The following GRM1 variants were observed in gnomAD, a reference collection of about 807,000 sequenced individuals.
The protein encoded by GRM1 is glutamate metabotropic receptor 1, also known as metabotropic glutamate receptor 1.
GRM1 carries 33 observed loss-of-function variants against 90.9 expected under a neutral mutation model. The observed-to-expected ratio is 0.36, with a 90% CI of 0.28 to 0.49. GRM1 has a LOEUF of 0.49. GRM1 is among the 20% of genes least tolerant of loss of function. GRM1 has a pLI of 0.99. For synonymous variants in GRM1, 700 were observed against 613.2 expected (o/e 1.14, Z -2.09); for missense variants, 1,190 against 1,534.3 (o/e 0.78, Z 3.75).
chr6:146,081,723 C>G (rs184968031), intron 1 of GRM1, among the ~76,000 whole-genome samples: 2 of 152,080 alleles, frequency 1.3e-5, no homozygotes, highest in Admixed American at 6.5e-5. Context: ...GTACATTAAG[C>G]AGTGTATAAT....
intron 3 of GRM1, among the ~76,000 whole-genome samples, chr6:146,333,805 A>G (rs1219731187): frequency 6.6e-6 from 1 of 152,150 alleles, no homozygotes; most frequent in Admixed American, 6.6e-5. Flanking sequence ...TGGACCTAGA[A>G]AGGTTTATGA....
intron 3 of GRM1, among the ~76,000 whole-genome samples, chr6:146,305,900 GA>G (rs1318452623): frequency 6.6e-6 from 1 of 152,184 alleles, no homozygotes; most frequent in African/African-American, 2.4e-5. Context: ...TCACATACAT[GA>G]AATAGACAAA....
intron 2 of GRM1, among the ~76,000 whole-genome samples, chr6:146,260,058 G>A (rs192381950): frequency 8.6e-5 from 13 of 151,026 alleles, no homozygotes; most frequent in Admixed American, 5.3e-4. Context: ...TGTGCAGAAC[G>A]TGCAGGTTTG....
chr6:146,172,224 A>G (rs1384031068), intron 2 of GRM1, among the ~76,000 whole-genome samples: 3 of 152,172 alleles, frequency 2.0e-5, no homozygotes, highest in Non-Finnish European at 4.4e-5. Flanking sequence ...TCCTTGGATC[A>G]CAGCCTTCTT....
At chr6:146,219,513 G>A (rs1372056509) in intron 2 of GRM1, among the ~76,000 whole-genome samples, 1 of 151,946 alleles carries the variant, frequency 6.6e-6, no homozygotes, top group African/African-American at 2.4e-5. Flanking sequence ...AGTAAGTCAT[G>A]GAATCAGTTA....
chr6:146,226,306 G>T (rs1224737029), intron 2 of GRM1, among the ~76,000 whole-genome samples: 10 of 152,048 alleles, frequency 6.6e-5, no homozygotes, highest in Non-Finnish European at 1.3e-4. Context: ...TAGGCATGTT[G>T]CAATTTCAGG....
chr6:146,129,673 G>A (rs1776319984), intron 1 of GRM1, among the ~76,000 whole-genome samples: 1 of 152,100 alleles, frequency 6.6e-6, no homozygotes, highest in Non-Finnish European at 1.5e-5. Context: ...TGATTTGATG[G>A]CAACTGCACA....
intron 2 of GRM1, among the ~76,000 whole-genome samples, chr6:146,236,476 T>C (rs543128556): frequency 2.6e-4 from 40 of 152,298 alleles, no homozygotes; most frequent in African/African-American, 9.6e-4. Flanking sequence ...TACTTGTTTC[T>C]CTGTGACTGG....
Position 146,107,949 on chromosome 6 carries a change from ATCTC to A in GRM1, c.701-51398_701-51395del, listed in dbSNP as rs1775383905. 2.6e-5 allele frequency among the ~76,000 whole-genome samples: 4 copies of A among 152,290 alleles called. No individual in the cohort carries two copies. In the South Asian group the frequency reaches 8.3e-4, roughly 32 times the overall value. On this transcript the variant is annotated intron_variant, in intron 1 of 7. Coordinates refer to ENST00000282753, the MANE Select transcript of GRM1 (RefSeq NM_001278064.2). ...TGGCATTAATTGTTTTCTACTATCT[ATCTC>A]CAATTCATTTTCTCTACTTTATGCT...
At chr6:146,348,706 T>C (rs1322167868) in intron 3 of GRM1, among the ~76,000 whole-genome samples, 1 of 152,244 alleles carries the variant, frequency 6.6e-6, no homozygotes, top group Non-Finnish European at 1.5e-5. Context: ...TGTTGGTAGA[T>C]TGGGTGCCAG....
intron 2 of GRM1, among the ~76,000 whole-genome samples, chr6:146,304,006 T>G (rs1282241671): frequency 6.6e-6 from 1 of 152,172 alleles, no homozygotes; most frequent in Admixed American, 6.5e-5. Context: ...CTTTTTATAA[T>G]TTGAGATGAG....
chr6:146,174,888 T>C (rs940470287), intron 2 of GRM1, among the ~76,000 whole-genome samples: 1 of 152,334 alleles, frequency 6.6e-6, no homozygotes, highest in Non-Finnish European at 1.5e-5. Flanking sequence ...TGGCTCAGAT[T>C]CTTGCTGGCT....
At chr6:146,045,283 G>C (rs1791283888) in intron 1 of GRM1, among the ~76,000 whole-genome samples, 2 of 152,040 alleles carry the variant, frequency 1.3e-5, no homozygotes, top group South Asian at 4.2e-4. Flanking sequence ...TAGCTAACCT[G>C]AATAATTACT....
At position 146,434,195 on chromosome 6, in the gene GRM1, T is replaced by C. The variant is rs757521520; in HGVS notation, c.2984T>C (p.Leu995Pro). 2.5e-6 allele frequency: 4 copies of C among 1,612,354 alleles called. No homozygotes were observed. Among genetic ancestry groups the C allele is most frequent in the Non-Finnish European group, 3.4e-6 (4 of 1,178,638 alleles). Residue 995 changes from leucine (L) to proline (P), a missense_variant, in exon 8 of 8, where the codon CTG (leucine) becomes CCG (proline). Leu to Pro is a moderately conservative substitution (Grantham distance 98). Transcript: ENST00000282753. ...AATTPPLPSHLTAEETPLFLA... is the reference protein window; with the variant it reads ...AATTPPLPSHPTAEETPLFLA... ...ACCACTCCGCCTCTGCCGTCCCACC[T>C]GACCGCAGAGGAGACCCCCCTCTTC... is the stretch of plus-strand genomic sequence containing the variant.
At chr6:146,262,760 A>G (rs1422190110) in intron 2 of GRM1, among the ~76,000 whole-genome samples, 1 of 151,928 alleles carries the variant, frequency 6.6e-6, no homozygotes, top group Non-Finnish European at 1.5e-5. Flanking sequence ...AAATGACATG[A>G]AGAGGAATTA....
chr6:146,268,820 A>G (rs943723886), intron 2 of GRM1, among the ~76,000 whole-genome samples: 5 of 152,236 alleles, frequency 3.3e-5, no homozygotes, highest in Non-Finnish European at 7.3e-5. Flanking sequence ...AATTTTGAGC[A>G]AAGAGAACAG....
At chr6:146,148,701 T>C (rs1777204141) in intron 1 of GRM1, among the ~76,000 whole-genome samples, 2 of 152,196 alleles carry the variant, frequency 1.3e-5, no homozygotes, top group Admixed American at 6.5e-5. Context: ...ATATTAATAT[T>C]ACAAATTTTT....
At chr6:146,111,122 T>G (rs1284054204) in intron 1 of GRM1, among the ~76,000 whole-genome samples, 4 of 152,192 alleles carry the variant, frequency 2.6e-5, no homozygotes, top group African/African-American at 9.7e-5. Flanking sequence ...CACAAGAAGT[T>G]CCAGGTACAC....
chr6:146,115,076 A>C (rs1048525826), intron 1 of GRM1, among the ~76,000 whole-genome samples: 4 of 152,138 alleles, frequency 2.6e-5, no homozygotes, highest in Non-Finnish European at 5.9e-5. Context: ...TTTGAGAGAG[A>C]AAACTGAGTA....
Sources: gnomAD v4.1 joint callset for allele counts (sites outside exome capture counted in the v4.1 genomes callset) on GRCh38, gnomAD v4.1.1 for gene constraint, MANE v1.5 for transcripts, NCBI Gene and HGNC (gene_info 2026-07-23, HGNC 2026-07-21) for gene names.